GFAP: variants seen among roughly 807,000 people sequenced by gnomAD.
GFAP encodes the protein intermediate filament protein.
In GFAP, 38 loss-of-function variants were observed where a neutral mutation model predicts 49.3. The ratio of observed to expected loss-of-function variants is 0.77; its 90% CI spans 0.60 to 1.01. The LOEUF is 1.01. Among genes scored for constraint, GFAP ranks in the 50% least tolerant of loss-of-function variants. The pLI is 0.00. For synonymous variants in GFAP, 222 were observed against 236.4 expected, an observed-to-expected ratio of 0.94 and a Z score of 0.56; for missense variants, 463 against 579.1, an observed-to-expected ratio of 0.80 and a Z score of 2.06.
Position 44,903,704 on chromosome 17 carries a change from G to C in GFAP, c.*3643C>G. ...GCGGCTTCCTCTGCAGATTGTTGCT[G>C]CTTTTCCTGGCTGCATAATCCTTTC... is the stretch of plus-strand genomic sequence containing the variant. On this transcript the variant is annotated 3_prime_UTR_variant, in exon 9 of 9. Coordinates refer to ENST00000588735, the MANE Select transcript of GFAP (RefSeq NM_002055.5). 1 of 1,440,014 alleles carries C rather than the reference G, an allele frequency of 6.9e-7. No homozygotes were observed. The highest frequency in any genetic ancestry group is 9.1e-7 in the Non-Finnish European group (1 of 1,102,022). The allele number at this position is 1,440,014 out of a possible 1,614,324, so 89.2% of individuals were successfully genotyped here. A position where few individuals can be genotyped will look rare whatever the true frequency, so the allele number is the denominator to read the frequency against.
Position 44,906,931 on chromosome 17 carries a change from T to C in GFAP, c.*416A>G, listed in dbSNP as rs1305056317. Reference sequence around the variant, plus strand: ...TTTTCCTCCAGCAGCCTGAGGAAACTCAAAGGCACAGTTCCCAGATACTCC... The same window carrying C: ...TTTTCCTCCAGCAGCCTGAGGAAACCCAAAGGCACAGTTCCCAGATACTCC... On this transcript the variant is annotated 3_prime_UTR_variant, in exon 9 of 9. Coordinates refer to ENST00000588735, the MANE Select transcript of GFAP (RefSeq NM_002055.5). 1 of 261,032 alleles carries C rather than the reference T, an allele frequency of 3.8e-6. No individual in the cohort carries two copies. The highest frequency in any genetic ancestry group is 7.6e-6 in the Non-Finnish European group (1 of 130,948). The allele number at this position is 261,032 out of a possible 1,614,324, so 16.2% of individuals were successfully genotyped here. A position where few individuals can be genotyped will look rare whatever the true frequency, so the allele number is the denominator to read the frequency against.
rs1353739896 is a variant in GFAP at position 44,913,348 on chromosome 17, G to T, written c.701C>A (p.Ala234Asp). ...ATACTGCGTGCGGATCTCTTTCAGG[G>T]CTGCGGTGAGGTCTGGCTTGGCCAC... ...LDVAKPDLTA[A>D]LKEIRTQYEA... Residue 234 changes from alanine to aspartate, a missense_variant, in exon 4 of 9, where the codon GCC (alanine) becomes GAC (aspartate). This residue lies in a region of GFAP where 362 missense variants were observed against 445.5 expected (regional missense o/e 0.81). Transcript: ENST00000588735. 1 of 1,614,158 alleles carries T rather than the reference G, an allele frequency of 6.2e-7. No homozygotes were observed. Among genetic ancestry groups the T allele is most frequent in the South Asian group, 1.1e-5 (1 of 91,088 alleles).
At chr17:44,913,128 A>C in intron 4 of GFAP, 141 bp downstream of exon 4, 1 of 833,486 alleles carries the variant, frequency 1.2e-6, no homozygotes, top group Non-Finnish European at 2.1e-6. Context: ...GACCCTGGGC[A>C]AGCCATCTCA....
chr17:44,907,803 G>A, intron 8 of GFAP: 5 of 589,992 alleles, frequency 8.5e-6, no homozygotes, highest in South Asian at 7.9e-5. Context: ...AGGCCCCCGA[G>A]TTTGAGGGTG....
chr17:44,913,016 G>A, intron 4 of GFAP: 1 of 532,056 alleles, frequency 1.9e-6, no homozygotes, highest in Non-Finnish European at 3.4e-6. Context: ...GGTAATCCAT[G>A]AAAAGCACAG....
chr17:44,913,488 C>T, intron 3 of GFAP, 58 bp from the exon 4 acceptor site: 1 of 1,569,738 alleles, frequency 6.4e-7, no homozygotes, highest in Non-Finnish European at 8.7e-7. Context: ...AGCTGGGGTT[C>T]CCCACGCCAT....
At position 44,904,822 on chromosome 17, in the gene GFAP, C is replaced by T. The variant is rs1468439626; in HGVS notation, c.*2525G>A. On this transcript the variant is annotated 3_prime_UTR_variant, in exon 9 of 9. Transcript: ENST00000588735. Reference sequence around the variant, plus strand: ...TCATTGACCACGGCAACCAGCTCCACATCCGCTTCACCCAGCTGGATGACC... The same window carrying T: ...TCATTGACCACGGCAACCAGCTCCATATCCGCTTCACCCAGCTGGATGACC... 1.5e-5 allele frequency: 23 copies of T among 1,550,586 alleles called. No homozygotes were observed. Among genetic ancestry groups the T allele is most frequent in the Non-Finnish European group, 1.7e-5 (20 of 1,147,020 alleles).
chr17:44,903,873 T>C lies in GFAP; in HGVS notation c.*3474A>G, dbSNP rs1293094165. 6.9e-7 allele frequency: 1 copy of C among 1,459,432 alleles called. No individual in the cohort carries two copies. The highest frequency in any genetic ancestry group is 9.4e-7 in the Non-Finnish European group (1 of 1,065,796). 90.4% of individuals were successfully genotyped at this position (1,459,432 alleles called of 1,614,324 possible). A position where few individuals can be genotyped will look rare whatever the true frequency, so the allele number is the denominator to read the frequency against. ...ACTGTGCTCCTGTGGGCATGGGGGC[T>C]CCAGGCCTTTGAAATTGTGGAGAAG... On this transcript the variant is annotated 3_prime_UTR_variant, in exon 9 of 9. Transcript: ENST00000588735.
rs768627851 is a variant in GFAP at position 44,913,871 on chromosome 17, G to C, written c.523-48C>G. The C allele has an allele frequency of 1.0e-5, 15 of 1,492,294 alleles. No individual in the cohort carries two copies. The East Asian group carries it at 3.4e-4, about 34-fold the overall frequency. 92.4% of individuals were successfully genotyped at this position (1,492,294 alleles called of 1,614,324 possible). ...GAGTAGAGGGCCACTGGGGCCCCAG[G>C]CTCCTTCTCCCCATTCCTCAGCCTT... On this transcript the variant is annotated intron_variant, in intron 2 of 8. Transcript: ENST00000588735.
At chr17:44,907,962 C>T (rs1567770506) in intron 8 of GFAP, 102 bp downstream of exon 8, 4 of 838,314 alleles carry the variant, frequency 4.8e-6, no homozygotes, top group Admixed American at 1.7e-5. Context: ...CTGGGAGTTG[C>T]TGGGAACCTT....
intron 4 of GFAP, 65 bp downstream of exon 4, chr17:44,913,204 C>T: frequency 2.7e-6 from 4 of 1,476,232 alleles, no homozygotes; most frequent in Non-Finnish European, 3.8e-6. Context: ...CTCCTTCCCC[C>T]ATTCTCTTGT....
chr17:44,905,193 C>G lies in GFAP; in HGVS notation c.*2154G>C. ...TAGGAACATGTGGACAAATCTGTTACAGCCTGCTCCCCATTTTCATGGGCA... is the reference window on the plus strand; with the variant it reads ...TAGGAACATGTGGACAAATCTGTTAGAGCCTGCTCCCCATTTTCATGGGCA... On this transcript the variant is annotated 3_prime_UTR_variant, in exon 9 of 9. Coordinates refer to ENST00000588735, the MANE Select transcript of GFAP (RefSeq NM_002055.5). 1.3e-6 allele frequency: 1 copy of G among 747,950 alleles called. No homozygotes were observed. Among genetic ancestry groups the G allele is most frequent in the Non-Finnish European group, 2.2e-6 (1 of 457,622 alleles). The allele number at this position is 747,950 out of a possible 1,614,324, so 46.3% of individuals were successfully genotyped here.
rs1035033068 is a variant in GFAP, at chr17:44,904,179, C to G, written c.*3168G>C. 26 of 1,550,366 alleles carry G rather than the reference C, an allele frequency of 1.7e-5. No individual in the cohort carries two copies. The highest frequency in any genetic ancestry group is 2.1e-5 in the Non-Finnish European group (24 of 1,146,944). On this transcript the variant is annotated 3_prime_UTR_variant, in exon 9 of 9. Coordinates refer to ENST00000588735, the MANE Select transcript of GFAP (RefSeq NM_002055.5). ...AGCTTGTTGGTTTTCAGGGCTCAGT[C>G]TGAGGACTCAGGCCTGTACTTCTGC...
Position 44,910,653 on chromosome 17 carries a change from G to T in GFAP, c.1133C>A (p.Thr378Asn). Reference protein sequence around the residue: ...KLLEGEENRITIPVQTFSNLQ... With the variant: ...KLLEGEENRINIPVQTFSNLQ... ...GTTGGAGAAGGTCTGCACGGGAATG[G>T]TGATCCTGAAAGAAAGCAGAGGGAG... Residue 378 changes from threonine (T) to asparagine (N), a missense_variant, in exon 7 of 9, where the codon ACC becomes AAC. By Grantham distance (65) the Thr-to-Asn change is moderately conservative. Coordinates refer to ENST00000588735, the MANE Select transcript of GFAP (RefSeq NM_002055.5). 1 of 1,586,916 alleles carries T rather than the reference G, an allele frequency of 6.3e-7. No individual in the cohort carries two copies. Among genetic ancestry groups the T allele is most frequent in the Non-Finnish European group, 8.6e-7 (1 of 1,166,712 alleles).
intron 4 of GFAP, among the ~76,000 whole-genome samples, chr17:44,912,199 C>G (rs2051790252): frequency 6.6e-6 from 1 of 152,140 alleles, no homozygotes; most frequent in African/African-American, 2.4e-5. Flanking sequence ...TCCCGGGTCA[C>G]TGCAACCTCT....
chr17:44,908,064 C>A lies in GFAP; in HGVS notation c.1257G>T (p.Glu419Asp), dbSNP rs200573284. The A allele has an allele frequency of 5.0e-6, 8 of 1,602,170 alleles. No homozygotes were observed. The highest frequency in any genetic ancestry group is 2.7e-5 in the African/African-American group (2 of 74,654). Reference sequence around the variant, plus strand: ...TGACTGGGCCCAAATCCCTCCTTACCTCTCCATCCCGCATCTCCACGGTCT... The same window carrying A: ...TGACTGGGCCCAAATCCCTCCTTACATCTCCATCCCGCATCTCCACGGTCT... ...VVKTVEMRDG[E>D]VIKESKQEHK... The change falls in exon 8 of 9, where the codon GAG becomes GAT. Residue 419 changes from glutamate to aspartate, a missense_variant and splice_region_variant. This residue lies in a region of GFAP where 362 missense variants were observed against 445.5 expected (regional missense o/e 0.81). Transcript: ENST00000588735.
rs779165331 is a variant in GFAP at position 44,915,463 on chromosome 17, G to A, written c.24C>T (p.Ser8=). 14 of 1,596,178 alleles carry A rather than the reference G, an allele frequency of 8.8e-6. 1 individual carries two copies. The highest frequency in any genetic ancestry group is 8.7e-5 in the Admixed American group (5 of 57,700). The part of the protein sequence containing the change: MERRRIT[S]AARRSYVSSG... ...AGGAGACGTAGGAGCGGCGAGCAGC[G>A]GAGGTGATGCGTCTCCTCTCCATCC... The change falls in exon 1 of 9, where the codon TCC becomes TCT. Residue 8 remains serine, a synonymous_variant. Coordinates refer to ENST00000588735, the MANE Select transcript of GFAP (RefSeq NM_002055.5). This position sits in a 1 kb window ranked among gnomAD's most constrained non-coding sequence, Gnocchi z 4.1.
chr17:44,913,863 G>A, intron 2 of GFAP, 40 bp from the exon 3 acceptor site: 1 of 1,542,540 alleles, frequency 6.5e-7, no homozygotes, highest in South Asian at 1.1e-5. Context: ...GGGCCACTGG[G>A]GCCCCAGGCT....
chr17:44,909,622 C>CCCG (rs1254608849), intron 7 of GFAP: 2 of 121,414 alleles, frequency 1.6e-5, no homozygotes, highest in Non-Finnish European at 3.3e-5. Flanking sequence ...CTCCCCCCTC[C>CCCG]CCCCGCCCCG....
Sources: allele counts gnomAD v4.1 joint callset (sites outside exome capture counted in the v4.1 genomes callset), GRCh38; gene constraint gnomAD v4.1.1; regional missense constraint gnomAD v4.1.1; non-coding constraint Gnocchi (gnomAD v3.1); transcripts MANE v1.5; gene names NCBI Gene and HGNC (gene_info 2026-07-23, HGNC 2026-07-21).